The following CNTN4 variants were observed in gnomAD, a reference collection of about 807,000 sequenced individuals.
CNTN4 encodes the protein contactin-4.
Under a neutral mutation model 122.5 loss-of-function variants are expected in CNTN4, and 77 were observed. The observed-to-expected ratio is 0.63, with a 90% CI of 0.52 to 0.76. The LOEUF is 0.76. CNTN4 is among the 30% of genes least tolerant of loss of function. CNTN4 has a pLI of 0.00. For synonymous variants in CNTN4, 512 were observed against 447.0 expected (o/e 1.15, Z -1.83); for missense variants, 1,256 against 1,259.1 (o/e 1.00, Z 0.04).
chr3:2,356,148 C>A (rs909328531), intron 3 of CNTN4, among the ~76,000 whole-genome samples: 1 of 152,028 alleles, frequency 6.6e-6, no homozygotes, highest in Non-Finnish European at 1.5e-5. Context: ...GGAAAGGGGT[C>A]CCAATCAAGA....
chr3:2,332,873 T>A (rs1346675473), intron 2 of CNTN4, among the ~76,000 whole-genome samples: 2 of 151,692 alleles, frequency 1.3e-5, no homozygotes, highest in Non-Finnish European at 2.9e-5. Flanking sequence ...AAACTTAAAG[T>A]ATAATAATAA....
chr3:2,981,093 ATTTTACAAGCTGCTCT>A (rs554643624), intron 13 of CNTN4, among the ~76,000 whole-genome samples: 111 of 152,212 alleles, frequency 7.3e-4, no homozygotes, highest in African/African-American at 1.7e-3. Context: ...CTGCAGCTCG[ATTTTACAAGCTGCTCT>A]TTGTTAGAAA....
At chr3:2,438,638 C>G (rs2048333167) in intron 3 of CNTN4, among the ~76,000 whole-genome samples, 1 of 152,134 alleles carries the variant, frequency 6.6e-6, no homozygotes, top group Admixed American at 6.5e-5. Flanking sequence ...GAATTGTTTG[C>G]CAAGATAAGA....
chr3:2,446,661 A>G (rs1334313054), intron 3 of CNTN4, among the ~76,000 whole-genome samples: 3 of 152,204 alleles, frequency 2.0e-5, no homozygotes, highest in Admixed American at 2.0e-4. Context: ...ACCTCCTGCT[A>G]TAAATAAACA....
intron 2 of CNTN4, among the ~76,000 whole-genome samples, chr3:2,334,663 A>G (rs1487451766): frequency 6.6e-6 from 1 of 152,196 alleles, no homozygotes; most frequent in African/African-American, 2.4e-5. Context: ...ACTAAGCGCA[A>G]TTATAGGAGA....
intron 3 of CNTN4, among the ~76,000 whole-genome samples, chr3:2,569,001 A>G (rs1175159723): frequency 6.6e-6 from 1 of 152,160 alleles, no homozygotes; most frequent in Non-Finnish European, 1.5e-5. Flanking sequence ...TACCCTGATC[A>G]TTTGCTTAAG....
At chr3:2,496,023 C>A (rs1043868937) in intron 3 of CNTN4, among the ~76,000 whole-genome samples, 2 of 152,132 alleles carry the variant, frequency 1.3e-5, no homozygotes, top group Non-Finnish European at 2.9e-5. Context: ...CACAAGCGGG[C>A]TCAGAAAAAT....
At chr3:2,659,256 G>A (rs899336512) in intron 4 of CNTN4, among the ~76,000 whole-genome samples, 2 of 152,076 alleles carry the variant, frequency 1.3e-5, no homozygotes, top group Non-Finnish European at 2.9e-5. Context: ...TGAGGTCAGA[G>A]TTGGAGACCA....
chr3:2,191,541 T>C (rs988645965), intron 2 of CNTN4, among the ~76,000 whole-genome samples: 1 of 152,104 alleles, frequency 6.6e-6, no homozygotes. Context: ...ACTAGGTTGA[T>C]CCCTCTCTTC....
intron 2 of CNTN4, among the ~76,000 whole-genome samples, chr3:2,222,200 A>C (rs1179636102): frequency 6.6e-6 from 1 of 152,214 alleles, no homozygotes; most frequent in African/African-American, 2.4e-5. Context: ...ATATCCAAAT[A>C]GTGGAATGCT....
intron 3 of CNTN4, among the ~76,000 whole-genome samples, chr3:2,446,361 A>G (rs1258291766): frequency 8.5e-5 from 13 of 152,326 alleles, no homozygotes; most frequent in African/African-American, 2.9e-4. Context: ...ACATGCAAAG[A>G]TAAACAAATG....
intron 12 of CNTN4, among the ~76,000 whole-genome samples, chr3:2,910,051 A>T (rs1208832042): frequency 6.6e-6 from 1 of 152,230 alleles, no homozygotes; most frequent in Admixed American, 6.5e-5. Flanking sequence ...GGCATCAGAG[A>T]TTCCAACCAT....
Position 3,037,188 on chromosome 3 carries a change from T to C in CNTN4, c.1952T>C (p.Leu651Pro). 1 of 1,614,184 alleles carries C rather than the reference T, an allele frequency of 6.2e-7. No homozygotes were observed. Among genetic ancestry groups the C allele is most frequent in the Non-Finnish European group, 8.5e-7 (1 of 1,180,014 alleles). The change falls in exon 18 of 25, where the codon CTC (leucine) becomes CCC (proline). Residue 651 changes from leucine (L) to proline (P), a missense_variant. By Grantham distance (98) the Leu-to-Pro change is moderately conservative. Transcript: ENST00000418658. ...TTTTGTTGTCTTTCAGTCCCAGAAC[T>C]CATTGATGGGAAGACATTCACAGCG... ...GWQAVSTVPE[L>P]IDGKTFTATV...
At chr3:2,834,500 A>G (rs1184828362) in intron 7 of CNTN4, among the ~76,000 whole-genome samples, 1 of 151,820 alleles carries the variant, frequency 6.6e-6, no homozygotes, top group South Asian at 2.1e-4. Flanking sequence ...CCAGCAGGCG[A>G]AGTTTGCAGT....
chr3:2,918,502 G>C (rs2094393455), intron 12 of CNTN4, among the ~76,000 whole-genome samples: 1 of 152,142 alleles, frequency 6.6e-6, no homozygotes, highest in Non-Finnish European at 1.5e-5. Context: ...AAGGCGGTTA[G>C]CTGCTAGAGC....
chr3:2,756,066 A>G (rs189805081), intron 6 of CNTN4, among the ~76,000 whole-genome samples: 4 of 152,304 alleles, frequency 2.6e-5, no homozygotes, highest in East Asian at 1.9e-4. Flanking sequence ...AAATGTCACA[A>G]TTGCTCTAAT....
chr3:2,473,336 C>T (rs2075746210), intron 3 of CNTN4, among the ~76,000 whole-genome samples: 1 of 152,050 alleles, frequency 6.6e-6, no homozygotes, highest in African/African-American at 2.4e-5. Context: ...TCAATTCCAC[C>T]TGGACTCTAC....
chr3:2,486,690 T>G (rs144797432), intron 3 of CNTN4, among the ~76,000 whole-genome samples: 155 of 152,316 alleles, frequency 1.0e-3, no homozygotes, highest in African/African-American at 3.6e-3. Flanking sequence ...TGGCTGAGTA[T>G]TTTTGTTACT....
At chr3:2,522,809 C>T (rs559285492) in intron 3 of CNTN4, among the ~76,000 whole-genome samples, 1 of 151,988 alleles carries the variant, frequency 6.6e-6, no homozygotes, top group African/African-American at 2.4e-5. Flanking sequence ...CTGTTCAGCC[C>T]ACATGAGATT....
Sources: gnomAD v4.1 joint callset for allele counts (sites outside exome capture counted in the v4.1 genomes callset) on GRCh38, gnomAD v4.1.1 for gene constraint, MANE v1.5 for transcripts, NCBI Gene and HGNC (gene_info 2026-07-23, HGNC 2026-07-21) for gene names.